Variants in DLGAP1 observed in about 807,000 individuals in gnomAD.
DLGAP1 encodes the protein DLG associated protein 1.
In DLGAP1, 11 loss-of-function variants were observed where a neutral mutation model predicts 90.8. The observed-to-expected ratio is 0.12, with a 90% CI of 0.08 to 0.20. The LOEUF is 0.20. DLGAP1 is among the 10% of genes least tolerant of loss of function. DLGAP1 has a pLI of 1.00. For synonymous variants in DLGAP1, 558 were observed against 540.7 expected (o/e 1.03, Z -0.44); for missense variants, 1,050 against 1,333.8 (o/e 0.79, Z 3.31).
chr18:4,011,353 T>C (rs2074417204), intron 2 of DLGAP1, among the ~76,000 whole-genome samples: 1 of 151,984 alleles, frequency 6.6e-6, no homozygotes, highest in African/African-American at 2.4e-5. Context: ...AGAGAAGCCT[T>C]CCCAGAAGAC....
intron 8 of DLGAP1, among the ~76,000 whole-genome samples, chr18:3,576,611 C>T: frequency 6.7e-6 from 1 of 150,050 alleles, no homozygotes; most frequent in East Asian, 1.9e-4. Context: ...GTTGCCCAGG[C>T]TGGAGTGCAA....
chr18:4,229,747 G>A (rs1273591337), intron 1 of DLGAP1, among the ~76,000 whole-genome samples: 1 of 151,674 alleles, frequency 6.6e-6, no homozygotes, highest in African/African-American at 2.4e-5. Flanking sequence ...AGCTCAATTT[G>A]AGTTAATATA....
chr18:3,899,201 T>C (rs919045988), intron 3 of DLGAP1, among the ~76,000 whole-genome samples: 5 of 152,236 alleles, frequency 3.3e-5, no homozygotes, highest in African/African-American at 1.2e-4. Flanking sequence ...GCAGTCTGCA[T>C]TGACAGGTGT....
intron 1 of DLGAP1, among the ~76,000 whole-genome samples, chr18:4,182,078 C>G (rs757706008): frequency 2.0e-5 from 3 of 152,082 alleles, no homozygotes; most frequent in Admixed American, 1.3e-4. Flanking sequence ...GAAAGACTTG[C>G]TGGTAGCTTG....
intron 7 of DLGAP1, among the ~76,000 whole-genome samples, chr18:3,586,620 G>A (rs191463839): frequency 7.8e-4 from 119 of 152,160 alleles, no homozygotes; most frequent in Middle Eastern, 3.4e-3. Flanking sequence ...CACCATGCCC[G>A]GCTTAAGATT....
chr18:3,611,352 A>T (rs1479201957), intron 7 of DLGAP1, among the ~76,000 whole-genome samples: 4 of 151,846 alleles, frequency 2.6e-5, no homozygotes, highest in Non-Finnish European at 5.9e-5. Context: ...TCTTTTATAA[A>T]CTACAAGTTT....
intron 2 of DLGAP1, among the ~76,000 whole-genome samples, chr18:4,022,422 C>CAT (rs2074627625): frequency 6.6e-6 from 1 of 150,520 alleles, no homozygotes. Context: ...CACACACACA[C>CAT]ACCACACACA....
At chr18:3,953,680 C>A (rs373859048) in intron 3 of DLGAP1, among the ~76,000 whole-genome samples, 2 of 152,196 alleles carry the variant, frequency 1.3e-5, no homozygotes, top group Non-Finnish European at 1.5e-5. Context: ...ATAATGATTT[C>A]TTTCTCTTTG....
At chr18:3,973,724 C>T (rs553732561) in intron 3 of DLGAP1, among the ~76,000 whole-genome samples, 1 of 152,248 alleles carries the variant, frequency 6.6e-6, no homozygotes, top group East Asian at 1.9e-4. Context: ...TAAATCTAGG[C>T]TAGAAAGTTC....
At chr18:4,120,204 T>A (rs2076130215) in intron 2 of DLGAP1, among the ~76,000 whole-genome samples, 1 of 152,226 alleles carries the variant, frequency 6.6e-6, no homozygotes, top group Non-Finnish European at 1.5e-5. Context: ...AAGCTCCTAG[T>A]TGTTCAGACA....
chr18:3,523,402 T>A (rs534808655), intron 10 of DLGAP1, among the ~76,000 whole-genome samples: 77 of 148,584 alleles, frequency 5.2e-4, no homozygotes, highest in African/African-American at 1.8e-3. Flanking sequence ...TTAAAAAAAA[T>A]AAAAATAAAA....
At chr18:3,745,984 C>T (rs1318442749) in intron 5 of DLGAP1, among the ~76,000 whole-genome samples, 7 of 152,224 alleles carry the variant, frequency 4.6e-5, no homozygotes, top group East Asian at 1.9e-4. Context: ...CCACCATGCC[C>T]GGCCTCAGCT....
At chr18:3,745,943 C>G (rs1026677216) in intron 5 of DLGAP1, among the ~76,000 whole-genome samples, 2 of 152,150 alleles carry the variant, frequency 1.3e-5, no homozygotes, top group African/African-American at 4.8e-5. Flanking sequence ...CCCACCTTGG[C>G]CTCCCCAAGT....
chr18:4,076,485 AT>A (rs1175754215), intron 2 of DLGAP1, among the ~76,000 whole-genome samples: 1 of 152,306 alleles, frequency 6.6e-6, no homozygotes, highest in African/African-American at 2.4e-5. Context: ...TGCATCCTAT[AT>A]TTGGAGGCAA....
At chr18:4,277,941 T>C (rs957419491) in intron 1 of DLGAP1, among the ~76,000 whole-genome samples, 5 of 152,198 alleles carry the variant, frequency 3.3e-5, no homozygotes, top group African/African-American at 1.2e-4. Flanking sequence ...AAAAACCTAC[T>C]GTTGAGCAGT....
intron 7 of DLGAP1, among the ~76,000 whole-genome samples, chr18:3,699,849 G>A (rs1223663869): frequency 6.6e-6 from 1 of 152,214 alleles, no homozygotes; most frequent in Admixed American, 6.5e-5. Flanking sequence ...AGAGGAGGAA[G>A]CTAGAGAGGC....
chr18:4,003,328 T>G (rs1354883319), intron 3 of DLGAP1, among the ~76,000 whole-genome samples: 1 of 151,778 alleles, frequency 6.6e-6, no homozygotes, highest in Non-Finnish European at 1.5e-5. Flanking sequence ...GACTGGGAAG[T>G]GACTGACTGA....
chr18:3,701,670 T>G (rs2147127664), intron 7 of DLGAP1, among the ~76,000 whole-genome samples: 1 of 152,294 alleles, frequency 6.6e-6, no homozygotes, highest in African/African-American at 2.4e-5. Flanking sequence ...AGAGAAGCTC[T>G]GTGGGCTGAG....
intron 3 of DLGAP1, chr18:3,978,422 C>T: frequency 3.2e-6 from 1 of 311,228 alleles, no homozygotes; most frequent in Non-Finnish European, 6.3e-6. Flanking sequence ...GACAAGCTTC[C>T]CATTCTCAGT....
Sources: allele counts gnomAD v4.1 joint callset (sites outside exome capture counted in the v4.1 genomes callset), GRCh38; gene constraint gnomAD v4.1.1; transcripts MANE v1.5; gene names NCBI Gene and HGNC (gene_info 2026-07-23, HGNC 2026-07-21).